Variants in DACH2 observed in about 807,000 individuals in gnomAD.
The protein encoded by DACH2 is dachshund homolog 2.
A neutral mutation model predicts 35.8 loss-of-function variants in DACH2; 17 were observed. That is an observed-to-expected ratio of 0.48 (90% CI 0.33 to 0.71). DACH2 has a LOEUF of 0.71. DACH2 is among the 30% of genes least tolerant of loss of function. DACH2 has a pLI of 0.02. For missense variants in DACH2, 469 were observed against 472.7 expected, an observed-to-expected ratio of 0.99 and a Z score of 0.07; for synonymous variants, 195 against 177.3, an observed-to-expected ratio of 1.10 and a Z score of -0.79.
intron 3 of DACH2, among the ~76,000 whole-genome samples, chrX:86,611,383 G>A (rs1439370115): frequency 9.1e-6 from 1 of 109,934 alleles, no homozygotes; most frequent in African/African-American, 3.3e-5. Context: ...GGGGTTGGGA[G>A]AGAGGTGGCA....
chrX:86,152,947 A>G (rs1049889825), intron 1 of DACH2, among the ~76,000 whole-genome samples: 1 of 111,776 alleles, frequency 8.9e-6, no homozygotes, highest in Non-Finnish European at 1.9e-5. Context: ...TTTCTTACTA[A>G]ATTCTCCTAA....
chrX:86,561,798 C>G (rs1203180607), intron 3 of DACH2, among the ~76,000 whole-genome samples: 1 of 62,671 alleles, frequency 1.6e-5, no homozygotes, highest in Non-Finnish European at 2.8e-5. Context: ...ATACCTAATG[C>G]TAGATGACAC....
chrX:86,563,154 A>G (rs2039247834), intron 3 of DACH2, among the ~76,000 whole-genome samples: 1 of 109,519 alleles, frequency 9.1e-6, no homozygotes, highest in African/African-American at 3.3e-5. Context: ...GAAATAGACA[A>G]CACTTTATAA....
intron 4 of DACH2, among the ~76,000 whole-genome samples, chrX:86,659,184 GTT>G (rs1187368829): frequency 9.3e-6 from 1 of 107,601 alleles, no homozygotes; most frequent in South Asian, 4.0e-4. Flanking sequence ...TTTTGAGAGG[GTT>G]TTTTTTTCTG....
chrX:86,209,936 CT>C (rs1256639839), intron 1 of DACH2, among the ~76,000 whole-genome samples: 2 of 111,715 alleles, frequency 1.8e-5, no homozygotes, highest in Non-Finnish European at 3.8e-5. Flanking sequence ...TCACCACCTA[CT>C]ATGGGCTTTA....
At chrX:86,447,023 A>T (rs1300684093) in intron 2 of DACH2, among the ~76,000 whole-genome samples, 17 of 67,515 alleles carry the variant, frequency 2.5e-4, no homozygotes, top group Non-Finnish European at 4.1e-4. Flanking sequence ...AGTGGTTTTG[A>T]TTTGCATTTC....
chrX:86,242,744 G>A (rs1176680710), intron 1 of DACH2, among the ~76,000 whole-genome samples: 1 of 111,242 alleles, frequency 9.0e-6, no homozygotes, highest in African/African-American at 3.3e-5. Context: ...GGACCTGGTG[G>A]GAGGTAATTG....
At position 86,764,641 on chromosome X, in the gene DACH2, A is replaced by G. The variant is rs73510156; in HGVS notation, c.1240+24759A>G. Among the ~76,000 whole-genome samples the G allele has an allele frequency of 2.5e-3, 280 of 111,535 alleles. 2 individuals are homozygous for G. The highest frequency in any genetic ancestry group is 8.9e-3 in the African/African-American group (272 of 30,705). On this transcript the variant is annotated intron_variant, in intron 7 of 11. Transcript: ENST00000373125. ...TATCCAGTTGACTGTTGATGGGCAC[A>G]TAGATTGATTACATGTCTCTGCTCT...
intron 3 of DACH2, among the ~76,000 whole-genome samples, chrX:86,541,829 A>C (rs2038887513): frequency 9.0e-6 from 1 of 111,624 alleles, no homozygotes; most frequent in African/African-American, 3.3e-5. Flanking sequence ...GTGTGTGTGC[A>C]TGAGGAGGAA....
rs745638461 is a variant in DACH2, at chrX:86,154,762, A to C, written c.488+5654A>C. On this transcript the variant is annotated intron_variant, in intron 1 of 11. Transcript: ENST00000373125. ...ATTCTCTGCTCGGTTTGATGTCTAG[A>C]TGTTATTCTTAGCTTGTTATCATGA... 5.4e-5 allele frequency among the ~76,000 whole-genome samples: 6 copies of C among 111,638 alleles called. No individual in the cohort carries two copies. The South Asian group carries it at 2.2e-3, about 41-fold the overall frequency.
intron 1 of DACH2, among the ~76,000 whole-genome samples, chrX:86,307,666 G>T (rs1417329259): frequency 9.0e-6 from 1 of 111,109 alleles, no homozygotes; most frequent in Non-Finnish European, 1.9e-5. Flanking sequence ...CTCCTCAGAA[G>T]CCACCCCCAA....
chrX:86,289,297 A>G (rs2034220189), intron 1 of DACH2, among the ~76,000 whole-genome samples: 2 of 106,178 alleles, frequency 1.9e-5, no homozygotes, highest in African/African-American at 3.4e-5. Flanking sequence ...TCCTCTCCTC[A>G]AGCAGAAGGA....
intron 7 of DACH2, among the ~76,000 whole-genome samples, chrX:86,809,890 G>A (rs1212605734): frequency 9.0e-6 from 1 of 110,990 alleles, no homozygotes; most frequent in East Asian, 2.8e-4. Context: ...AGATCCGTGT[G>A]CTGTCTCTAT....
intron 2 of DACH2, among the ~76,000 whole-genome samples, chrX:86,439,047 C>T (rs2037115824): frequency 8.9e-6 from 1 of 112,104 alleles, no homozygotes; most frequent in Non-Finnish European, 1.9e-5. Flanking sequence ...CACATCCTTG[C>T]CAGCACCTGT....
In DACH2 at chrX:86,584,237, T is replaced by C. The variant is rs773822680; in HGVS notation, c.641-66799T>C. Among the ~76,000 whole-genome samples the C allele has an allele frequency of 3.7e-3, 408 of 111,274 alleles. 3 individuals carry two copies. Among genetic ancestry groups the C allele is most frequent in the African/African-American group, 0.013 (395 of 30,795 alleles). ...GTGGTTTGCAGTTTTTAAGGAATTG[T>C]TCTTTTTTATTTGAATTTTCCAATT... On this transcript the variant is annotated intron_variant, in intron 3 of 11. Transcript: ENST00000373125.
At chrX:86,551,500 G>A (rs1042026225) in intron 3 of DACH2, among the ~76,000 whole-genome samples, 8 of 111,921 alleles carry the variant, frequency 7.1e-5, no homozygotes, top group African/African-American at 2.3e-4. Flanking sequence ...ATGTAAGAGT[G>A]GTATCTCCAT....
At chrX:86,608,760 T>C (rs2039893164) in intron 3 of DACH2, among the ~76,000 whole-genome samples, 2 of 111,702 alleles carry the variant, frequency 1.8e-5, no homozygotes, top group Non-Finnish European at 3.8e-5. Flanking sequence ...TTTGTTTTGG[T>C]TTTATCCTTC....
At chrX:86,259,618 T>C (rs973891044) in intron 1 of DACH2, among the ~76,000 whole-genome samples, 1 of 111,938 alleles carries the variant, frequency 8.9e-6, no homozygotes, top group Non-Finnish European at 1.9e-5. Flanking sequence ...AAGGATTACA[T>C]CTGATAATTC....
At chrX:86,303,146 G>A (rs1364292842) in intron 1 of DACH2, among the ~76,000 whole-genome samples, 5 of 104,611 alleles carry the variant, frequency 4.8e-5, no homozygotes, top group Admixed American at 1.1e-4. Context: ...GATATTGGAG[G>A]AAAACATACA....
Sources: allele counts gnomAD v4.1 joint callset (sites outside exome capture counted in the v4.1 genomes callset), GRCh38; gene constraint gnomAD v4.1.1; transcripts MANE v1.5; gene names NCBI Gene and HGNC (gene_info 2026-07-23, HGNC 2026-07-21).